KAZN: variants seen among roughly 807,000 people sequenced by gnomAD.
KAZN encodes the protein kazrin, periplakin interacting protein, also known as kazrin.
Under a neutral mutation model 87.4 loss-of-function variants are expected in KAZN, and 40 were observed. The ratio of observed to expected loss-of-function variants is 0.46; its 90% CI spans 0.36 to 0.60. KAZN has a LOEUF of 0.60. Among genes scored for constraint, KAZN ranks in the 20% least tolerant of loss-of-function variants. The pLI, the probability that KAZN is intolerant of heterozygous loss-of-function variation, is 0.00. For synonymous variants in KAZN, 466 were observed against 458.3 expected, an observed-to-expected ratio of 1.02 and a Z score of -0.22; for missense variants, 898 against 1,073.9, an observed-to-expected ratio of 0.84 and a Z score of 2.29.
intron 2 of KAZN, among the ~76,000 whole-genome samples, chr1:14,234,404 G>A (rs1648186316): frequency 7.4e-6 from 1 of 134,860 alleles, no homozygotes; most frequent in African/African-American, 2.6e-5. Flanking sequence ...GGGCCTGTTA[G>A]GGGATGGGGG....
At chr1:14,837,966 A>G (rs1647468224) in intron 1 of KAZN, among the ~76,000 whole-genome samples, 2 of 152,198 alleles carry the variant, frequency 1.3e-5, no homozygotes, top group African/African-American at 4.8e-5. Context: ...CTGCTGTCTT[A>G]GTCCCTTTGT....
At chr1:15,026,540 C>T (rs1671178556) in intron 2 of KAZN, among the ~76,000 whole-genome samples, 1 of 152,084 alleles carries the variant, frequency 6.6e-6, no homozygotes, top group Non-Finnish European at 1.5e-5. Flanking sequence ...GAACCTGGGA[C>T]CCCCACCCCC....
chr1:14,594,756 G>C (rs577119811), upstream of KAZN, among the ~76,000 whole-genome samples: 1 of 152,218 alleles, frequency 6.6e-6, no homozygotes, highest in Non-Finnish European at 1.5e-5. Flanking sequence ...GTTTGCAGGT[G>C]TGTCCCAGGA....
chr1:14,342,201 G>A (rs1657781569), intron 2 of KAZN, among the ~76,000 whole-genome samples: 1 of 152,170 alleles, frequency 6.6e-6, no homozygotes, highest in African/African-American at 2.4e-5. Context: ...ATTCCGTGGT[G>A]TATGTGTACC....
chr1:14,050,047 CTGTG>C (rs34072674), intron 1 of KAZN, among the ~76,000 whole-genome samples: 5 of 149,324 alleles, frequency 3.3e-5, no homozygotes, highest in South Asian at 4.3e-4. Flanking sequence ...GCACGTGTGT[CTGTG>C]TGGGTGTGTG....
intron 2 of KAZN, among the ~76,000 whole-genome samples, chr1:14,433,186 C>T (rs1433884529): frequency 6.6e-6 from 1 of 152,180 alleles, no homozygotes; most frequent in African/African-American, 2.4e-5. Context: ...GACGCCACTC[C>T]TGCCAGTCAA....
At chr1:14,399,723 T>C (rs546013966) in intron 2 of KAZN, among the ~76,000 whole-genome samples, 3 of 152,272 alleles carry the variant, frequency 2.0e-5, no homozygotes, top group African/African-American at 7.2e-5. Flanking sequence ...CATGCTGCTC[T>C]GCTCTGAGAT....
intron 2 of KAZN, among the ~76,000 whole-genome samples, chr1:15,009,738 T>C (rs1375897646): frequency 1.3e-5 from 2 of 152,214 alleles, no homozygotes; most frequent in African/African-American, 4.8e-5. Context: ...TATGGAACAT[T>C]TTTGTTACAT....
At chr1:14,183,466 C>G (rs1646241069) in intron 2 of KAZN, among the ~76,000 whole-genome samples, 1 of 152,102 alleles carries the variant, frequency 6.6e-6, no homozygotes, top group African/African-American at 2.4e-5. Context: ...TTGCAGGCCC[C>G]CAAATTCAAT....
intron 2 of KAZN, among the ~76,000 whole-genome samples, chr1:14,277,772 A>G (rs1211044835): frequency 6.6e-6 from 1 of 151,922 alleles, no homozygotes; most frequent in African/African-American, 2.4e-5. Context: ...ATGTCCCCTC[A>G]CACCCGTGGC....
chr1:15,046,592 C>T (rs936287353), intron 4 of KAZN, among the ~76,000 whole-genome samples: 3 of 152,310 alleles, frequency 2.0e-5, no homozygotes, highest in African/African-American at 7.2e-5. Context: ...GCATTTGGCA[C>T]CGGGCCTGGA....
chr1:14,923,788 G>A lies in KAZN; in HGVS notation c.227-36896G>A, dbSNP rs1474178151. Among the ~76,000 whole-genome samples the A allele has an allele frequency of 6.6e-6, 1 of 152,214 alleles. No homozygotes were observed. The highest frequency in any genetic ancestry group is 6.5e-5 in the Admixed American group (1 of 15,282). The stretch of plus-strand genomic sequence containing the variant: ...TCTCCCGGTCAGCTGTGGGGACCTC[G>A]GCTCTCGGCAAGGCTGTCACAGGGT... On this transcript the variant is annotated intron_variant, in intron 1 of 14. Transcript: ENST00000376030. This position sits in a 1 kb window ranked among gnomAD's most constrained non-coding sequence, Gnocchi z 4.2.
At chr1:14,588,674 C>T (rs1185593790) in intron 2 of KAZN, among the ~76,000 whole-genome samples, 1 of 152,222 alleles carries the variant, frequency 6.6e-6, no homozygotes. Context: ...CATTGAAGTG[C>T]ACACTTTGGT....
chr1:14,494,222 G>A (rs779745925), intron 2 of KAZN, among the ~76,000 whole-genome samples: 8 of 152,072 alleles, frequency 5.3e-5, no homozygotes, highest in Non-Finnish European at 8.8e-5. Context: ...AATCAAATGG[G>A]GAAATTAGGC....
chr1:15,063,091 T>C (rs1019405146), intron 6 of KAZN: 1 of 167,426 alleles, frequency 6.0e-6, no homozygotes, highest in Admixed American at 5.7e-5. Flanking sequence ...GAGTCCTGCC[T>C]GCCCCTGCGC....
chr1:14,664,358 G>C (rs1343218169), intron 1 of KAZN, among the ~76,000 whole-genome samples: 1 of 152,118 alleles, frequency 6.6e-6, no homozygotes, highest in Non-Finnish European at 1.5e-5. Flanking sequence ...GCTTAAACCT[G>C]GGGGGCAGAG....
chr1:14,325,126 C>T (rs1257429788), intron 2 of KAZN, among the ~76,000 whole-genome samples: 1 of 152,106 alleles, frequency 6.6e-6, no homozygotes, highest in Non-Finnish European at 1.5e-5. Context: ...TTTATGACCC[C>T]CACTACCTCC....
chr1:14,551,424 G>A (rs573023992), intron 2 of KAZN, among the ~76,000 whole-genome samples: 3 of 152,178 alleles, frequency 2.0e-5, no homozygotes, highest in Non-Finnish European at 4.4e-5. Context: ...CTCTATTTAC[G>A]CAGCTAGGCT....
intron 2 of KAZN, among the ~76,000 whole-genome samples, chr1:14,278,657 T>A (rs1022110752): frequency 2.0e-5 from 3 of 152,208 alleles, no homozygotes; most frequent in Non-Finnish European, 4.4e-5. Context: ...TCATTTTTTA[T>A]CTGTTGATTG....
Sources: allele counts gnomAD v4.1 joint callset (sites outside exome capture counted in the v4.1 genomes callset), GRCh38; gene constraint gnomAD v4.1.1; non-coding constraint Gnocchi (gnomAD v3.1); transcripts MANE v1.5; gene names NCBI Gene and HGNC (gene_info 2026-07-23, HGNC 2026-07-21).